The following NXPH1 variants were observed in gnomAD, a reference collection of about 807,000 sequenced individuals.
The protein encoded by NXPH1 is neurexophilin-1.
NXPH1 carries 5 observed loss-of-function variants against 23.7 expected under a neutral mutation model. The observed-to-expected ratio is 0.21, with a 90% confidence interval of 0.11 to 0.44. The LOEUF (loss-of-function observed/expected upper bound fraction) is 0.44. NXPH1 is among the 20% of genes least tolerant of loss of function. NXPH1 has a pLI of 0.99. For missense variants in NXPH1, 324 were observed against 321.6 expected, an observed-to-expected ratio of 1.01 and a Z score of -0.06; for synonymous variants, 144 against 122.2, an observed-to-expected ratio of 1.18 and a Z score of -1.18.
intron 2 of NXPH1, among the ~76,000 whole-genome samples, chr7:8,750,389 A>G (rs951643173): frequency 6.6e-6 from 1 of 152,202 alleles, no homozygotes; most frequent in Non-Finnish European, 1.5e-5. Flanking sequence ...ACACAAGCAT[A>G]CATGTGCCAT....
intron 2 of NXPH1, among the ~76,000 whole-genome samples, chr7:8,577,681 C>G (rs1818779472): frequency 6.6e-6 from 1 of 152,152 alleles, no homozygotes; most frequent in Admixed American, 6.5e-5. Context: ...CTCCTTACCG[C>G]CTGATACTGT....
At chr7:8,521,902 G>A (rs1017110777) in intron 2 of NXPH1, among the ~76,000 whole-genome samples, 1 of 152,170 alleles carries the variant, frequency 6.6e-6, no homozygotes, top group Non-Finnish European at 1.5e-5. Flanking sequence ...GGAGGACAGA[G>A]GCAGGAGGAG....
Position 8,568,482 on chromosome 7 carries a change from T to C in NXPH1, c.54+132715T>C, listed in dbSNP as rs142716842. On this transcript the variant is annotated intron_variant, in intron 2 of 2. Coordinates refer to ENST00000405863, the MANE Select transcript of NXPH1 (RefSeq NM_152745.3). ...GTATTTTGTATGTAAACTATGTTAA[T>C]GCAATGAGGAGACCATTTTTTGTTT... is the stretch of plus-strand genomic sequence containing the variant. Among the ~76,000 whole-genome samples, 558 of 151,978 alleles carry C rather than the reference T, an allele frequency of 3.7e-3. 6 individuals are homozygous for C. The highest frequency in any genetic ancestry group is 8.0e-3 in the East Asian group (41 of 5,128).
At chr7:8,606,356 A>G (rs1429405268) in intron 2 of NXPH1, among the ~76,000 whole-genome samples, 1 of 152,100 alleles carries the variant, frequency 6.6e-6, no homozygotes, top group Non-Finnish European at 1.5e-5. Flanking sequence ...ACTTCAACCA[A>G]AGGAAAGAAA....
At chr7:8,579,887 C>T (rs536916813) in intron 2 of NXPH1, among the ~76,000 whole-genome samples, 6 of 152,192 alleles carry the variant, frequency 3.9e-5, no homozygotes, top group South Asian at 4.1e-4. Flanking sequence ...CATCTAGAAG[C>T]GGGTCAGGCA....
intron 2 of NXPH1, among the ~76,000 whole-genome samples, chr7:8,683,690 T>C (rs550326650): frequency 6.6e-6 from 1 of 151,908 alleles, no homozygotes; most frequent in African/African-American, 2.4e-5. Context: ...AGTAATTGCA[T>C]TTTTTTGGCA....
intron 2 of NXPH1, among the ~76,000 whole-genome samples, chr7:8,587,675 C>T (rs985114509): frequency 2.0e-5 from 3 of 152,038 alleles, no homozygotes; most frequent in African/African-American, 7.2e-5. Flanking sequence ...GTGATGTTCC[C>T]ATCCCTGTGT....
At chr7:8,675,566 A>T (rs1440486939) in intron 2 of NXPH1, among the ~76,000 whole-genome samples, 1 of 152,200 alleles carries the variant, frequency 6.6e-6, no homozygotes, top group Non-Finnish European at 1.5e-5. Flanking sequence ...CTGCAGAAAC[A>T]GAAGACATGG....
At chr7:8,743,085 T>C (rs1329173055) in intron 2 of NXPH1, among the ~76,000 whole-genome samples, 4 of 152,212 alleles carry the variant, frequency 2.6e-5, no homozygotes, top group Non-Finnish European at 5.9e-5. Context: ...ATATTGAACA[T>C]AGGTAACCAT....
At chr7:8,641,235 T>C (rs1410747106) in intron 2 of NXPH1, among the ~76,000 whole-genome samples, 1 of 152,218 alleles carries the variant, frequency 6.6e-6, no homozygotes, top group African/African-American at 2.4e-5. Flanking sequence ...CCCTACCAAG[T>C]ATTTGTTTAT....
chr7:8,704,796 C>G (rs1245806889), intron 2 of NXPH1, among the ~76,000 whole-genome samples: 1 of 151,810 alleles, frequency 6.6e-6, no homozygotes, highest in Non-Finnish European at 1.5e-5. Flanking sequence ...AGGAACTTGA[C>G]TTGCATCACC....
chr7:8,447,695 T>A (rs1816429263), intron 2 of NXPH1, among the ~76,000 whole-genome samples: 1 of 152,240 alleles, frequency 6.6e-6, no homozygotes, highest in Admixed American at 6.5e-5. Flanking sequence ...TGATTTGCCC[T>A]GAGGTGTTTA....
intron 2 of NXPH1, among the ~76,000 whole-genome samples, chr7:8,710,038 G>A (rs1277564127): frequency 3.3e-5 from 5 of 152,212 alleles, no homozygotes; most frequent in Admixed American, 3.3e-4. Context: ...CACTGCAGGG[G>A]TCAGAAAAGA....
chr7:8,670,666 G>GA (rs1470148954), intron 2 of NXPH1, among the ~76,000 whole-genome samples: 1 of 152,088 alleles, frequency 6.6e-6, no homozygotes, highest in African/African-American at 2.4e-5. Flanking sequence ...TCATTTACCA[G>GA]AAAAAATGTG....
intron 2 of NXPH1, among the ~76,000 whole-genome samples, chr7:8,644,422 G>A (rs1283514953): frequency 6.6e-6 from 1 of 152,114 alleles, no homozygotes; most frequent in Non-Finnish European, 1.5e-5. Flanking sequence ...TTTCTCTCAG[G>A]CCTACTTTCG....
At chr7:8,652,390 A>T (rs1433584398) in intron 2 of NXPH1, among the ~76,000 whole-genome samples, 3 of 152,104 alleles carry the variant, frequency 2.0e-5, no homozygotes, top group Non-Finnish European at 4.4e-5. Context: ...AGGTTTTATC[A>T]TTTCTTTTTA....
chr7:8,592,010 A>C (rs10277502), intron 2 of NXPH1, among the ~76,000 whole-genome samples: 42,242 of 151,748 alleles, frequency 0.28, 6,592 homozygotes, highest in African/African-American at 0.41. Flanking sequence ...ATGGTGACAA[A>C]GACTGATTGT....
chr7:8,696,054 G>A (rs1417689201), intron 2 of NXPH1, among the ~76,000 whole-genome samples: 3 of 152,164 alleles, frequency 2.0e-5, no homozygotes, highest in African/African-American at 7.2e-5. Flanking sequence ...ATTCATGTGT[G>A]CACTGTAACT....
chr7:8,492,291 T>C (rs991082023), intron 2 of NXPH1, among the ~76,000 whole-genome samples: 1 of 152,034 alleles, frequency 6.6e-6, no homozygotes, highest in Non-Finnish European at 1.5e-5. Flanking sequence ...GTCACTCTTA[T>C]TAAGTTTGGC....
Sources: allele counts gnomAD v4.1 joint callset (sites outside exome capture counted in the v4.1 genomes callset), GRCh38; gene constraint gnomAD v4.1.1; transcripts MANE v1.5; gene names NCBI Gene and HGNC (gene_info 2026-07-23, HGNC 2026-07-21).